The following ALPK1 variants were observed in gnomAD, a reference collection of about 807,000 sequenced individuals.
ALPK1 encodes the protein alpha-protein kinase 1.
ALPK1 carries 110 observed loss-of-function variants against 120.6 expected under a neutral mutation model. The ratio of observed to expected loss-of-function variants is 0.91; its 90% CI spans 0.78 to 1.07. ALPK1 has a LOEUF of 1.07. ALPK1 is among the 50% of genes least tolerant of loss of function. The pLI is 0.00. For missense variants in ALPK1, 1,498 were observed against 1,483.9 expected (o/e 1.01, Z -0.16); for synonymous variants, 582 against 560.3 (o/e 1.04, Z -0.55).
Position 112,425,741 on chromosome 4 carries a change from G to C in ALPK1, c.612G>C (p.Leu204=). 6.2e-7 allele frequency: 1 copy of C among 1,610,480 alleles called. No individual in the cohort carries two copies. The highest frequency in any genetic ancestry group is 8.5e-7 in the Non-Finnish European group (1 of 1,177,586). Residue 204 remains leucine, a synonymous_variant, in exon 7 of 16, where the codon CTG becomes CTC. Coordinates refer to ENST00000650871, the MANE Select transcript of ALPK1 (RefSeq NM_025144.4). ...SVCIQIRGQI[L]QKLGMWYEAA... ...GTATACAGATCAGAGGGCAGATTCT[G>C]CAAAAGCTGGGTACAATCATGTAAA...
chr4:112,305,623 G>A (rs1578445480), intron 1 of ALPK1, among the ~76,000 whole-genome samples: 1 of 152,216 alleles, frequency 6.6e-6, no homozygotes, highest in East Asian at 1.9e-4. Flanking sequence ...TGCAGACGTT[G>A]CCTATCAGTT....
intron 3 of ALPK1, 29 bp downstream of exon 3, chr4:112,377,927 T>G: frequency 6.3e-7 from 1 of 1,578,388 alleles, no homozygotes; most frequent in Non-Finnish European, 8.6e-7. Flanking sequence ...GCACCAGGGG[T>G]GAACCAGCAG....
At chr4:112,402,002 G>T (rs1732936580) in intron 4 of ALPK1, among the ~76,000 whole-genome samples, 1 of 152,190 alleles carries the variant, frequency 6.6e-6, no homozygotes, top group Non-Finnish European at 1.5e-5. Context: ...TATGGAGCAT[G>T]CTATGTTTGG....
At chr4:112,306,697 C>T (rs1342365178) in intron 1 of ALPK1, among the ~76,000 whole-genome samples, 2 of 150,954 alleles carry the variant, frequency 1.3e-5, no homozygotes, top group Admixed American at 1.3e-4. Context: ...TTTCAAAAAA[C>T]CAGCTCCTGG....
chr4:112,372,186 C>T lies in ALPK1; in HGVS notation c.-100-5492C>T, dbSNP rs143016231. Among the ~76,000 whole-genome samples, 184 of 151,100 alleles carry T rather than the reference C, an allele frequency of 1.2e-3. 5 individuals are homozygous for T. In the East Asian group the frequency reaches 0.027, roughly 22 times the overall value. On this transcript the variant is annotated intron_variant, in intron 2 of 15. Coordinates refer to ENST00000650871, the MANE Select transcript of ALPK1 (RefSeq NM_025144.4). ...GTAATTAAAATTTACTTCAATTTGT[C>T]AATATAAAGAAAACTACTTTCTTCC...
intron 1 of ALPK1, among the ~76,000 whole-genome samples, chr4:112,308,048 G>T (rs187366892): frequency 3.2e-4 from 48 of 152,050 alleles, no homozygotes; most frequent in African/African-American, 8.4e-4. Context: ...TTGAAAATTC[G>T]TTTCTTTAAG....
intron 4 of ALPK1, among the ~76,000 whole-genome samples, chr4:112,399,585 C>CT (rs575253640): frequency 1.1e-4 from 16 of 152,002 alleles, no homozygotes; most frequent in South Asian, 8.3e-4. Flanking sequence ...GTTTTTCTCT[C>CT]TTTTTTTTAT....
chr4:112,387,398 G>C (rs751912180), intron 4 of ALPK1, among the ~76,000 whole-genome samples: 12 of 152,234 alleles, frequency 7.9e-5, no homozygotes, highest in Non-Finnish European at 1.6e-4. Context: ...TGGGGGTCCT[G>C]ATGCTGGAGG....
intron 7 of ALPK1, 47 bp downstream of exon 7, chr4:112,425,798 C>G: frequency 6.8e-7 from 1 of 1,477,008 alleles, no homozygotes; most frequent in African/African-American, 1.4e-5. Flanking sequence ...TTTACAAAGC[C>G]TGGCTGCATG....
chr4:112,316,699 T>C (rs1194878417), intron 2 of ALPK1, among the ~76,000 whole-genome samples: 43 of 152,212 alleles, frequency 2.8e-4, no homozygotes, highest in Admixed American at 2.7e-3. Flanking sequence ...ATTGTGCTTT[T>C]GATCTGCATT....
rs550884081 is a variant in ALPK1 at position 112,304,925 on chromosome 4, T to G, written c.-153+7456T>G. Among the ~76,000 whole-genome samples, 169 of 152,230 alleles carry G rather than the reference T, an allele frequency of 1.1e-3. 1 individual carries two copies. The highest frequency in any genetic ancestry group is 3.9e-3 in the African/African-American group (163 of 41,486). ...TTAATCCATCTTGAATTAATTTTTGTGTAAGGTGTAAGGAAGGGATCCAGT... is the reference window on the plus strand; with the variant it reads ...TTAATCCATCTTGAATTAATTTTTGGGTAAGGTGTAAGGAAGGGATCCAGT... On this transcript the variant is annotated intron_variant, in intron 1 of 15. Transcript: ENST00000650871.
chr4:112,384,711 T>C (rs1482904998), intron 4 of ALPK1: 1 of 152,142 alleles, frequency 6.6e-6, no homozygotes, highest in Non-Finnish European at 1.5e-5. Context: ...AGAGCCACTG[T>C]TTGCAGGAAA....
In ALPK1 at chr4:112,373,950, G is replaced by T. The variant is rs571822018; in HGVS notation, c.-100-3728G>T. On this transcript the variant is annotated intron_variant, in intron 2 of 15. Coordinates refer to ENST00000650871, the MANE Select transcript of ALPK1 (RefSeq NM_025144.4). ...AATCTTTCTGCTGGTAGAGGGTCTT[G>T]CTTCAATGTTGATGGTTGCTGACTG... 6.6e-5 allele frequency among the ~76,000 whole-genome samples: 10 copies of T among 152,346 alleles called. No homozygotes were observed. In the South Asian group the frequency reaches 1.9e-3, roughly 28 times the overall value.
chr4:112,430,472 T>C lies in ALPK1; in HGVS notation c.925T>C (p.Ser309Pro). ...AVNIRGTCLL[S>P]YSSSNDCPPE... ...GAATATCCGTGGCACGTGTTTATTG[T>C]CCTACAGTAGTTCAAATGACTGTCC... The change falls in exon 11 of 16, where the codon TCC (serine) becomes CCC (proline). Residue 309 changes from serine to proline, a missense_variant. Transcript: ENST00000650871. The C allele has an allele frequency of 2.5e-6, 4 of 1,609,890 alleles. No homozygotes were observed. The highest frequency in any genetic ancestry group is 3.4e-6 in the Non-Finnish European group (4 of 1,177,952).
intron 3 of ALPK1, among the ~76,000 whole-genome samples, chr4:112,378,560 C>A (rs1731767237): frequency 6.6e-6 from 1 of 150,514 alleles, no homozygotes; most frequent in East Asian, 1.9e-4. Flanking sequence ...CTTCTTTAAC[C>A]AATTTTTGAG....
chr4:112,319,486 G>A lies in ALPK1; in HGVS notation c.-101+3634G>A, dbSNP rs192166811. Among the ~76,000 whole-genome samples the A allele has an allele frequency of 9.2e-5, 14 of 152,158 alleles. No individual in the cohort carries two copies. The South Asian group carries it at 2.3e-3, about 25-fold the overall frequency. ...TATAGTCAGAAAGTGTGATGCCTAC[G>A]GATTTGTTCTTTTTGCTTAGTCTTG... On this transcript the variant is annotated intron_variant, in intron 2 of 15. Transcript: ENST00000650871.
At chr4:112,345,230 A>G (rs1210752031) in intron 2 of ALPK1, among the ~76,000 whole-genome samples, 1 of 152,212 alleles carries the variant, frequency 6.6e-6, no homozygotes, top group Admixed American at 6.5e-5. Context: ...AGTATATGGT[A>G]TGATTATTTT....
At chr4:112,356,448 C>A (rs1730617734) in intron 2 of ALPK1, 1 of 947,316 alleles carries the variant, frequency 1.1e-6, no homozygotes, top group Non-Finnish European at 1.7e-6. Context: ...CACGGACATC[C>A]CAAAGATCAT....
At chr4:112,364,578 A>C (rs1297773163) in intron 2 of ALPK1, among the ~76,000 whole-genome samples, 1 of 152,204 alleles carries the variant, frequency 6.6e-6, no homozygotes, top group East Asian at 1.9e-4. Flanking sequence ...TACCCCAAAA[A>C]ATAAAAGTCC....
Sources: allele counts gnomAD v4.1 joint callset (sites outside exome capture counted in the v4.1 genomes callset), GRCh38; gene constraint gnomAD v4.1.1; transcripts MANE v1.5; gene names NCBI Gene and HGNC (gene_info 2026-07-23, HGNC 2026-07-21).